OSBPL3: variants seen among roughly 807,000 people sequenced by gnomAD.
OSBPL3 encodes oxysterol-binding protein-related protein 3.
In OSBPL3, 65 loss-of-function variants were observed where a neutral mutation model predicts 120.1. The observed-to-expected ratio is 0.54, with a 90% CI of 0.44 to 0.67. The LOEUF is 0.67. OSBPL3 is among the 30% of genes least tolerant of loss of function. OSBPL3 has a pLI of 0.00. For missense variants in OSBPL3, 1,004 were observed against 1,082.1 expected (o/e 0.93, Z 1.01); for synonymous variants, 416 against 402.6 (o/e 1.03, Z -0.40).
chr7:24,941,583 C>T (rs1156631837), intron 1 of OSBPL3, among the ~76,000 whole-genome samples: 1 of 152,194 alleles, frequency 6.6e-6, no homozygotes, highest in African/African-American at 2.4e-5. Context: ...GACTCCTCTT[C>T]ACCCAGAGCA....
chr7:24,944,270 T>A (rs6955146), intron 1 of OSBPL3, among the ~76,000 whole-genome samples: 38,356 of 152,050 alleles, frequency 0.25, 5,585 homozygotes, highest in Non-Finnish European at 0.34. Flanking sequence ...TCTCATTTGC[T>A]TTAAACTTAC....
At chr7:24,848,892 A>C (rs1798766202) in intron 12 of OSBPL3, among the ~76,000 whole-genome samples, 177 bp downstream of exon 12, 2 of 152,210 alleles carry the variant, frequency 1.3e-5, no homozygotes, top group African/African-American at 4.8e-5. Context: ...CGCTCAAGAA[A>C]GCGTTTGAGC....
In OSBPL3 at chr7:24,913,055, C is replaced by A. The variant is rs1433981206; in HGVS notation, c.-149-20434G>T. Among the ~76,000 whole-genome samples the A allele has an allele frequency of 6.6e-6, 1 of 152,186 alleles. No homozygotes were observed. Among genetic ancestry groups the A allele is most frequent in the Non-Finnish European group, 1.5e-5 (1 of 68,042 alleles). On this transcript the variant is annotated intron_variant, in intron 1 of 22. Coordinates refer to ENST00000313367, the MANE Select transcript of OSBPL3 (RefSeq NM_015550.4). The surrounding 1 kb of genome is among the most constrained non-coding windows in gnomAD (Gnocchi z 5.3). ...ACCTCAGCCGATAACCAGCATCAAC[C>A]CGCAGACATGTGACTGAGCAAGGAT...
chr7:24,841,717 A>AAAAAAAAAAAAAAAT, intron 13 of OSBPL3, among the ~76,000 whole-genome samples: 1 of 82,800 alleles, frequency 1.2e-5, no homozygotes, highest in East Asian at 4.4e-4. Flanking sequence ...AAAAAAAAAA[A>AAAAAAAAAAAAAAAT]AAAAGAGGCC....
In OSBPL3 at chr7:24,851,665, C is replaced by T. The variant is rs1799166065; in HGVS notation, c.1158+839G>A. ...TTTCTAAAGTAGGAATTCCAAAGTACAAGAAAAGAGTAAAAGCAAATCAGT... is the reference window on the plus strand; with the variant it reads ...TTTCTAAAGTAGGAATTCCAAAGTATAAGAAAAGAGTAAAAGCAAATCAGT... On this transcript the variant is annotated intron_variant, in intron 11 of 22. Coordinates refer to ENST00000313367, the MANE Select transcript of OSBPL3 (RefSeq NM_015550.4). The surrounding 1 kb of genome is among the most constrained non-coding windows in gnomAD (Gnocchi z 4.1). Among the ~76,000 whole-genome samples the T allele has an allele frequency of 6.6e-6, 1 of 150,386 alleles. No homozygotes were observed. The highest frequency in any genetic ancestry group is 1.5e-5 in the Non-Finnish European group (1 of 67,730).
rs773355038 is a variant in OSBPL3, at chr7:24,866,100, A to T, written c.519T>A (p.Ser173=). ...FSGSTITDSS[S]GVFDSISSRK... ...TACTTGAAATGGAGTCAAACACCCC[A>T]GATGAAGAGTCTGTGATGGTGGACC... The change falls in exon 6 of 23, where the codon TCT becomes TCA. Residue 173 remains serine, a synonymous_variant. Coordinates refer to ENST00000313367, the MANE Select transcript of OSBPL3 (RefSeq NM_015550.4). The T allele has an allele frequency of 6.2e-7, 1 of 1,613,926 alleles. No individual in the cohort carries two copies. Among genetic ancestry groups the T allele is most frequent in the South Asian group, 1.1e-5 (1 of 91,078 alleles).
At chr7:24,897,084 G>C (rs1584540834) in intron 1 of OSBPL3, among the ~76,000 whole-genome samples, 2 of 151,760 alleles carry the variant, frequency 1.3e-5, no homozygotes, top group East Asian at 3.9e-4. Context: ...AGGGAAGAGA[G>C]GGAGGGAGGG....
Position 24,969,188 on chromosome 7 carries a change from T to C in OSBPL3, c.-150+10698A>G, listed in dbSNP as rs371002619. ...CATTTTGTGATGTCTGCCAACCCGATAGGTGAAAAATAGCATCTCAATGAA... is the reference window on the plus strand; with the variant it reads ...CATTTTGTGATGTCTGCCAACCCGACAGGTGAAAAATAGCATCTCAATGAA... On this transcript the variant is annotated intron_variant, in intron 1 of 22. Coordinates refer to ENST00000313367, the MANE Select transcript of OSBPL3 (RefSeq NM_015550.4). 2.7e-4 allele frequency among the ~76,000 whole-genome samples: 41 copies of C among 152,362 alleles called. 4 individuals are homozygous for C. Among genetic ancestry groups the C allele is most frequent in the South Asian group, 1.7e-3 (8 of 4,832 alleles).
chr7:24,874,188 G>A (rs891146805), intron 2 of OSBPL3, among the ~76,000 whole-genome samples: 8 of 152,178 alleles, frequency 5.3e-5, no homozygotes, highest in African/African-American at 1.9e-4. Context: ...GTATCTTTGA[G>A]CCAAATGACT....
Position 24,849,240 on chromosome 7 carries a change from G to A in OSBPL3, c.1159-64C>T. ...GGATGTTTCAGAAAAGCACAGCAGT[G>A]GGCCCTGCAGGAGCGATCTCTAAGA... On this transcript the variant is annotated intron_variant, in intron 11 of 22. Coordinates refer to ENST00000313367, the MANE Select transcript of OSBPL3 (RefSeq NM_015550.4). This position sits in a 1 kb window ranked among gnomAD's most constrained non-coding sequence, Gnocchi z 5.4. The A allele has an allele frequency of 8.1e-7, 1 of 1,227,836 alleles. No homozygotes were observed. Among genetic ancestry groups the A allele is most frequent in the Non-Finnish European group, 1.2e-6 (1 of 839,930 alleles). The allele number at this position is 1,227,836 out of a possible 1,614,324, so 76.1% of individuals were successfully genotyped here.
rs568202512 is a variant in OSBPL3 at position 24,893,240 on chromosome 7, T to C, written c.-149-619A>G. Among the ~76,000 whole-genome samples the C allele has an allele frequency of 1.4e-3, 213 of 152,308 alleles. 1 individual carries two copies. Among genetic ancestry groups the C allele is most frequent in the Non-Finnish European group, 2.2e-3 (148 of 68,026 alleles). Reference sequence around the variant, plus strand: ...AAGAACCCAAATGTCCATCAACTGATGAATGGATGAACAAAATCTCATATA... The same window carrying C: ...AAGAACCCAAATGTCCATCAACTGACGAATGGATGAACAAAATCTCATATA... On this transcript the variant is annotated intron_variant, in intron 1 of 22. Coordinates refer to ENST00000313367, the MANE Select transcript of OSBPL3 (RefSeq NM_015550.4).
In OSBPL3 at chr7:24,820,488, G is replaced by A. The variant is rs978159943; in HGVS notation, c.1885-250C>T. On this transcript the variant is annotated intron_variant, in intron 16 of 22. Coordinates refer to ENST00000313367, the MANE Select transcript of OSBPL3 (RefSeq NM_015550.4). The surrounding 1 kb of genome is among the most constrained non-coding windows in gnomAD (Gnocchi z 4.6). ...AAGCCTCCAGAAGCCTCCGTGGGAGGGCGGCCAGGTGGCGAGTGATGAGGA... is the reference window on the plus strand; with the variant it reads ...AAGCCTCCAGAAGCCTCCGTGGGAGAGCGGCCAGGTGGCGAGTGATGAGGA... 8.5e-5 allele frequency among the ~76,000 whole-genome samples: 13 copies of A among 152,124 alleles called. 1 individual carries two copies. The highest frequency in any genetic ancestry group is 3.1e-4 in the African/African-American group (13 of 41,422).
rs1212790057 is a variant in OSBPL3, at chr7:24,980,018, G to T, written c.-282C>A. The T allele has an allele frequency of 6.1e-6, 6 of 985,330 alleles. No individual in the cohort carries two copies. The highest frequency in any genetic ancestry group is 1.7e-5 in the African/African-American group (1 of 57,222). The allele number at this position is 985,330 out of a possible 1,614,324, so 61.0% of individuals were successfully genotyped here. A position where few individuals can be genotyped will look rare whatever the true frequency, so the allele number is the denominator to read the frequency against. ...ACGTGCAGCTGACAGCTCCCGCACCGGCCGCAGGAGTCGGGGGCGGGGATG... is the reference window on the plus strand; with the variant it reads ...ACGTGCAGCTGACAGCTCCCGCACCTGCCGCAGGAGTCGGGGGCGGGGATG... On this transcript the variant is annotated 5_prime_UTR_variant, in exon 1 of 23. Coordinates refer to ENST00000313367, the MANE Select transcript of OSBPL3 (RefSeq NM_015550.4).
At chr7:24,889,550 C>T (rs531002426) in intron 2 of OSBPL3, among the ~76,000 whole-genome samples, 6 of 152,082 alleles carry the variant, frequency 3.9e-5, no homozygotes, top group Admixed American at 6.5e-5. Flanking sequence ...TCACATTATA[C>T]ACCATAAATA....
At chr7:24,917,382 C>CATATATATATATAT (rs1266832261) in intron 1 of OSBPL3, among the ~76,000 whole-genome samples, 29 of 97,028 alleles carry the variant, frequency 3.0e-4, no homozygotes, top group African/African-American at 4.2e-5. Flanking sequence ...ATATTTGTAA[C>CATATATATATATAT]ATATATATAT....
At position 24,804,288 on chromosome 7, in the gene OSBPL3, A is replaced by C; in HGVS notation, c.2567+27T>G. The C allele has an allele frequency of 6.2e-7, 1 of 1,613,468 alleles. No homozygotes were observed. The highest frequency in any genetic ancestry group is 1.3e-5 in the African/African-American group (1 of 75,010). The stretch of plus-strand genomic sequence containing the variant: ...AACGTGCTGGCACCACCTATCAACC[A>C]AAAACCTACTCAATCCAGGCACGAA... On this transcript the variant is annotated intron_variant, in intron 22 of 22. Transcript: ENST00000313367. The surrounding 1 kb of genome is among the most constrained non-coding windows in gnomAD (Gnocchi z 5.4).
chr7:24,836,068 A>G (rs1796958264), intron 14 of OSBPL3, among the ~76,000 whole-genome samples: 1 of 152,032 alleles, frequency 6.6e-6, no homozygotes, highest in African/African-American at 2.4e-5. Flanking sequence ...CCTGAACCTA[A>G]GAGTTTAATA....
chr7:24,938,905 TG>T lies in OSBPL3; in HGVS notation c.-150+40980del, dbSNP rs1322499657. Among the ~76,000 whole-genome samples, 2 of 148,586 alleles carry T rather than the reference TG, an allele frequency of 1.3e-5. No individual in the cohort carries two copies. Among genetic ancestry groups the T allele is most frequent in the Non-Finnish European group, 3.0e-5 (2 of 67,546 alleles). ...TTGTTATTAAGGAAAAAGTATATAA[TG>T]GGAGGCAACATTATTTGACATAGTA... On this transcript the variant is annotated intron_variant, in intron 1 of 22. Transcript: ENST00000313367. This position sits in a 1 kb window ranked among gnomAD's most constrained non-coding sequence, Gnocchi z 5.8.
At chr7:24,915,942 T>A (rs1809498343) in intron 1 of OSBPL3, among the ~76,000 whole-genome samples, 1 of 151,968 alleles carries the variant, frequency 6.6e-6, no homozygotes, top group East Asian at 1.9e-4. Flanking sequence ...TGATTAGGAA[T>A]AAATAGGTGG....
Sources: allele counts gnomAD v4.1 joint callset (sites outside exome capture counted in the v4.1 genomes callset), GRCh38; gene constraint gnomAD v4.1.1; non-coding constraint Gnocchi (gnomAD v3.1); transcripts MANE v1.5; gene names NCBI Gene and HGNC (gene_info 2026-07-23, HGNC 2026-07-21).